ST13: variants seen among roughly 807,000 people sequenced by gnomAD.
The protein encoded by ST13 is hsc70-interacting protein.
Under a neutral mutation model 56.7 loss-of-function variants are expected in ST13, and 23 were observed. The observed-to-expected ratio is 0.41, with a 90% CI of 0.29 to 0.57. The LOEUF is 0.57. ST13 is among the 20% of genes least tolerant of loss of function. ST13 has a pLI of 0.36. For missense variants in ST13, 369 were observed against 459.9 expected (o/e 0.80, Z 1.81); for synonymous variants, 132 against 142.4 (o/e 0.93, Z 0.52).
In ST13 at chr22:40,845,925, T is replaced by C. The variant is rs746751807; in HGVS notation, c.245-1016A>G. On this transcript the variant is annotated intron_variant, in intron 3 of 11. Coordinates refer to ENST00000216218, the MANE Select transcript of ST13 (RefSeq NM_003932.5). ...TATATGTATATGGTGTACAATGCGATGTTTTAACATACAGGCATATCGTTT... is the reference window on the plus strand; with the variant it reads ...TATATGTATATGGTGTACAATGCGACGTTTTAACATACAGGCATATCGTTT... Among the ~76,000 whole-genome samples the C allele has an allele frequency of 1.3e-4, 20 of 152,300 alleles. No homozygotes were observed. The East Asian group carries it at 1.9e-3, about 15-fold the overall frequency.
chr22:40,833,739 C>A (rs756941490), intron 7 of ST13, among the ~76,000 whole-genome samples: 1 of 151,822 alleles, frequency 6.6e-6, no homozygotes, highest in African/African-American at 2.4e-5. Flanking sequence ...CACATGGTAG[C>A]GCACACCTGT....
intron 1 of ST13, among the ~76,000 whole-genome samples, chr22:40,853,126 G>C (rs961583081): frequency 6.6e-6 from 1 of 152,130 alleles, no homozygotes; most frequent in South Asian, 2.1e-4. Context: ...TGGAGACTAC[G>C]TGACATGGCA....
Position 40,835,858 on chromosome 22 carries a change from T to C in ST13, c.412A>G (p.Thr138Ala). 1 of 1,613,270 alleles carries C rather than the reference T, an allele frequency of 6.2e-7. No individual in the cohort carries two copies. The highest frequency in any genetic ancestry group is 8.5e-7 in the Non-Finnish European group (1 of 1,179,996). ...CGAGGATTCAGCTTGATGGCATCTGTGAATAAGTCAATGGCTTTCTGGAGT... is the reference window on the plus strand; with the variant it reads ...CGAGGATTCAGCTTGATGGCATCTGCGAATAAGTCAATGGCTTTCTGGAGT... ...GELQKAIDLF[T>A]DAIKLNPRLA... The change falls in exon 6 of 12, where the codon ACA (threonine) becomes GCA (alanine). Residue 138 changes from threonine (T) to alanine (A), a missense_variant. Thr to Ala is a moderately conservative substitution (Grantham distance 58). Around this residue, in one of 3 missense-constraint regions of ST13, gnomAD observed 169 missense variants for 175.6 expected, o/e 0.96. Coordinates refer to ENST00000216218, the MANE Select transcript of ST13 (RefSeq NM_003932.5).
At chr22:40,841,225 C>A (rs1037166273) in intron 4 of ST13, among the ~76,000 whole-genome samples, 2 of 149,350 alleles carry the variant, frequency 1.3e-5, no homozygotes, top group Non-Finnish European at 3.0e-5. Context: ...AAAAAACAAG[C>A]TGGGCATGGT....
chr22:40,827,119 G>A lies in ST13; in HGVS notation c.958C>T (p.Pro320Ser). The A allele has an allele frequency of 6.2e-7, 1 of 1,611,982 alleles. No homozygotes were observed. Among genetic ancestry groups the A allele is most frequent in the Non-Finnish European group, 8.5e-7 (1 of 1,179,892 alleles). ...MPGLNEILSDPEVLAAMQDPE... is the reference protein window; with the variant it reads ...MPGLNEILSDSEVLAAMQDPE... ...ACCTGCATGGCTGCAAGAACCTCTG[G>A]ATCACTAAGAATTTCATTGAGTCCA... is the stretch of plus-strand genomic sequence containing the variant. The change falls in exon 11 of 12, where the codon CCA becomes TCA. Residue 320 changes from proline to serine, a missense_variant. Physicochemically the swap from Pro to Ser is moderately conservative, Grantham distance 74. This residue lies in a region of ST13 where 136 missense variants were observed against 159.2 expected (regional missense o/e 0.85). Transcript: ENST00000216218.
chr22:40,828,451 A>G (rs1174332743), intron 10 of ST13, among the ~76,000 whole-genome samples: 1 of 142,934 alleles, frequency 7.0e-6, no homozygotes. Flanking sequence ...AAAAATACAA[A>G]AAAAAAAAAA....
intron 8 of ST13, chr22:40,832,136 G>A (rs1844909565): frequency 4.3e-6 from 2 of 467,660 alleles, no homozygotes; most frequent in Non-Finnish European, 8.8e-6. Flanking sequence ...TTACAGGCAT[G>A]AGCCACCGCG....
At chr22:40,848,232 T>C in intron 3 of ST13, 62 bp downstream of exon 3, 1 of 1,238,410 alleles carries the variant, frequency 8.1e-7, no homozygotes, top group South Asian at 1.2e-5. Flanking sequence ...GTCACTTTAA[T>C]AAAAATCAAC....
Position 40,832,564 on chromosome 22 carries a change from C to T in ST13, c.681+5G>A. On this transcript the variant is annotated splice_donor_5th_base_variant and intron_variant, in intron 8 of 11. Transcript: ENST00000216218. Reference sequence around the variant, plus strand: ...ATGACTTTCCCTTTCTCTACTTTGACATACCCTAGGTTGAACTTCTTTCAG... The same window carrying T: ...ATGACTTTCCCTTTCTCTACTTTGATATACCCTAGGTTGAACTTCTTTCAG... 1 of 1,604,564 alleles carries T rather than the reference C, an allele frequency of 6.2e-7. No homozygotes were observed.
At chr22:40,847,848 G>A (rs929433127) in intron 3 of ST13, among the ~76,000 whole-genome samples, 96 of 151,906 alleles carry the variant, frequency 6.3e-4, no homozygotes, top group African/African-American at 2.3e-3. Context: ...GGAGTTCGAG[G>A]CCAGCCTTGC....
At chr22:40,844,453 T>C (rs569181274) in intron 4 of ST13, among the ~76,000 whole-genome samples, 2 of 151,822 alleles carry the variant, frequency 1.3e-5, no homozygotes, top group African/African-American at 2.4e-5. Context: ...TTGTAATATA[T>C]AGAATTTTTT....
At position 40,856,604 on chromosome 22, in the gene ST13, C is replaced by G. The variant is rs907621575; in HGVS notation, c.-64G>C. ...CCGGTTCCAGGCCCAGGCGCTGGCT[C>G]GGCGTGACCGCGCAGAAGGGGGCGG... On this transcript the variant is annotated 5_prime_UTR_variant, in exon 1 of 12. Coordinates refer to ENST00000216218, the MANE Select transcript of ST13 (RefSeq NM_003932.5). The G allele has an allele frequency of 7.3e-6, 10 of 1,365,600 alleles. No homozygotes were observed. The Admixed American group carries it at 1.0e-4, about 14-fold the overall frequency. The allele number at this position is 1,365,600 out of a possible 1,614,324, so 84.6% of individuals were successfully genotyped here. A position where few individuals can be genotyped will look rare whatever the true frequency, so the allele number is the denominator to read the frequency against.
At chr22:40,844,496 C>A (rs541885299) in intron 4 of ST13, among the ~76,000 whole-genome samples, 10 of 152,188 alleles carry the variant, frequency 6.6e-5, no homozygotes, top group Non-Finnish European at 1.5e-4. Context: ...AATTTTCACT[C>A]CCTTGAGGGC....
In ST13 at chr22:40,829,375, T is replaced by C. The variant is rs1403469079; in HGVS notation, c.847+251A>G. 2.0e-5 allele frequency among the ~76,000 whole-genome samples: 3 copies of C among 152,228 alleles called. No homozygotes were observed. The South Asian group carries it at 6.2e-4, about 31-fold the overall frequency. Reference sequence around the variant, plus strand: ...CTATCTCTGTGTTAGTCCTGTCCTCTGGTATTCAAAGATTTGCCTCACTAG... The same window carrying C: ...CTATCTCTGTGTTAGTCCTGTCCTCCGGTATTCAAAGATTTGCCTCACTAG... On this transcript the variant is annotated intron_variant, in intron 10 of 11. Coordinates refer to ENST00000216218, the MANE Select transcript of ST13 (RefSeq NM_003932.5).
intron 4 of ST13, among the ~76,000 whole-genome samples, chr22:40,843,905 TAG>T (rs2057817423): frequency 6.7e-6 from 1 of 149,508 alleles, no homozygotes; most frequent in East Asian, 1.9e-4. Flanking sequence ...TTTTTTTAAA[TAG>T]AGTTTTGCTC....
At chr22:40,843,069 A>G (rs753737476) in intron 4 of ST13, among the ~76,000 whole-genome samples, 5 of 152,196 alleles carry the variant, frequency 3.3e-5, no homozygotes, top group Non-Finnish European at 7.3e-5. Flanking sequence ...GCAGTGAGCT[A>G]TGATTGTACC....
chr22:40,843,309 C>T (rs933431060), intron 4 of ST13, among the ~76,000 whole-genome samples: 11 of 151,956 alleles, frequency 7.2e-5, no homozygotes, highest in African/African-American at 2.7e-4. Context: ...CCAATGGAAG[C>T]GGGGAGACTT....
chr22:40,832,251 G>C, intron 8 of ST13: 1 of 478,502 alleles, frequency 2.1e-6, no homozygotes, highest in Non-Finnish European at 4.3e-6. Context: ...ATTCAATCCT[G>C]GGTAATGCTA....
intron 7 of ST13, among the ~76,000 whole-genome samples, chr22:40,833,214 CAAA>C (rs1302046017): frequency 6.6e-6 from 1 of 152,048 alleles, no homozygotes; most frequent in South Asian, 2.1e-4. Context: ...TTTACATACT[CAAA>C]AAATAAAATC....
Sources: gnomAD v4.1 joint callset for allele counts (sites outside exome capture counted in the v4.1 genomes callset) on GRCh38, gnomAD v4.1.1 for gene constraint, gnomAD v4.1.1 regional missense constraint, MANE v1.5 for transcripts, NCBI Gene and HGNC (gene_info 2026-07-23, HGNC 2026-07-21) for gene names.